Variants in DCAF6 observed in about 807,000 individuals in gnomAD.
DCAF6 encodes DDB1- and CUL4-associated factor 6.
In DCAF6, 54 loss-of-function variants were observed where a neutral mutation model predicts 125.1. The ratio of observed to expected loss-of-function variants is 0.43; its 90% CI spans 0.35 to 0.54. DCAF6 has a LOEUF of 0.54. DCAF6 is among the 20% of genes least tolerant of loss of function. The pLI is 0.01. For synonymous variants in DCAF6, 371 were observed against 390.4 expected, an observed-to-expected ratio of 0.95 and a Z score of 0.58; for missense variants, 934 against 1,161.7, an observed-to-expected ratio of 0.80 and a Z score of 2.85.
chr1:168,003,067 T>C (rs1418320773), intron 8 of DCAF6, among the ~76,000 whole-genome samples: 3 of 152,158 alleles, frequency 2.0e-5, no homozygotes, highest in Non-Finnish European at 4.4e-5. Flanking sequence ...TTATGTTTTA[T>C]TAAATTGGTC....
At chr1:168,073,957 A>AATATGTATTGAATAC (rs1693459189) in intron 21 of DCAF6, among the ~76,000 whole-genome samples, 1 of 146,898 alleles carries the variant, frequency 6.8e-6, no homozygotes, top group Non-Finnish European at 1.5e-5. Flanking sequence ...TTATTTTATA[A>AATATGTATTGAATAC]ATATGTATTG....
At chr1:168,075,265 G>T (rs1052739636) in intron 21 of DCAF6, 106 bp from the exon 22 acceptor site, 3 of 1,010,704 alleles carry the variant, frequency 3.0e-6, no homozygotes, top group South Asian at 3.2e-5. Context: ...CACACATAGT[G>T]GTGAACTGAT....
At chr1:167,950,062 G>A (rs1024198209) in intron 1 of DCAF6, among the ~76,000 whole-genome samples, 1 of 152,176 alleles carries the variant, frequency 6.6e-6, no homozygotes, top group African/African-American at 2.4e-5. Flanking sequence ...TCATATAGAA[G>A]AGTTCTTGCT....
the DCAF6 span, among the ~76,000 whole-genome samples, chr1:167,921,167 T>C: frequency 6.6e-6 from 1 of 152,144 alleles, no homozygotes. Flanking sequence ...GGGCTTCTAA[T>C]GAATTATTTT....
intron 10 of DCAF6, among the ~76,000 whole-genome samples, chr1:168,013,236 T>G (rs1684540009): frequency 6.6e-6 from 1 of 152,218 alleles, no homozygotes; most frequent in South Asian, 2.1e-4. Flanking sequence ...TACTGGATCA[T>G]TTTCTAGGAA....
the DCAF6 span, among the ~76,000 whole-genome samples, chr1:167,891,356 A>G: frequency 6.6e-6 from 1 of 151,842 alleles, no homozygotes; most frequent in Non-Finnish European, 1.5e-5. Context: ...AGGCACAGGG[A>G]AAATAAAGGA....
rs117475307 is a variant in DCAF6 at position 168,038,781 on chromosome 1, A to G, written c.1727+293A>G. ...TCTTCTGATAGAAAATGCAAAAGAT[A>G]ATACTAATAATAATAATTAAAATTA... On this transcript the variant is annotated intron_variant, in intron 13 of 21. Transcript: ENST00000367840. 4.6e-3 allele frequency among the ~76,000 whole-genome samples: 702 copies of G among 152,128 alleles called. 8 individuals carry two copies. In the East Asian group the frequency reaches 0.058, roughly 13 times the overall value.
chr1:168,067,851 A>G (rs749162405), intron 20 of DCAF6, among the ~76,000 whole-genome samples: 6 of 152,094 alleles, frequency 3.9e-5, no homozygotes, highest in Non-Finnish European at 5.9e-5. Flanking sequence ...CGAGTATTCA[A>G]GTAATCCTAT....
chr1:168,009,551 C>T (rs989265217), intron 10 of DCAF6, among the ~76,000 whole-genome samples: 1 of 148,394 alleles, frequency 6.7e-6, no homozygotes, highest in Non-Finnish European at 1.5e-5. Flanking sequence ...TCTCCTCTTT[C>T]TCCTTTTTCT....
intron 10 of DCAF6, among the ~76,000 whole-genome samples, chr1:168,009,350 CCTT>C (rs1387731328): frequency 1.5e-3 from 41 of 26,490 alleles, no homozygotes; most frequent in East Asian, 5.4e-3. Context: ...TTCCTCCCTT[CCTT>C]CCTTCCTTCC....
chr1:168,054,904 C>T (rs1043182423), intron 17 of DCAF6, among the ~76,000 whole-genome samples: 2 of 151,082 alleles, frequency 1.3e-5, no homozygotes, highest in Admixed American at 6.6e-5. Context: ...GCAACCTCTG[C>T]CTGCTGGGTT....
At chr1:167,868,552 C>T in the DCAF6 span, among the ~76,000 whole-genome samples, 6 of 152,048 alleles carry the variant, frequency 3.9e-5, no homozygotes, top group Admixed American at 3.3e-4. Context: ...AGAATTCCAC[C>T]GGGACTAGAC....
rs559364529 is a variant in DCAF6 at position 168,050,935 on chromosome 1, T to TAA, written c.2300+3_2300+4dup. On this transcript the variant is annotated splice_region_variant and intron_variant, in intron 17 of 21. Coordinates refer to ENST00000367840, the MANE Select transcript of DCAF6 (RefSeq NM_001198956.2). ...AACAATAGGTGATAGAATAATGAGGTAATTCAGTATGTTCCTTCATAATTT... is the reference window on the plus strand; with the variant it reads ...AACAATAGGTGATAGAATAATGAGGTAAAATTCAGTATGTTCCTTCATAATTT... The TAA allele has an allele frequency of 2.6e-5, 36 of 1,375,982 alleles. No individual in the cohort carries two copies. In the African/African-American group the frequency reaches 3.9e-4, roughly 15 times the overall value. 85.2% of individuals were successfully genotyped at this position (1,375,982 alleles called of 1,614,324 possible).
chr1:168,069,224 T>C (rs1397995466), intron 21 of DCAF6, among the ~76,000 whole-genome samples: 1 of 152,202 alleles, frequency 6.6e-6, no homozygotes, highest in African/African-American at 2.4e-5. Context: ...AAAGCCAGAA[T>C]TTGAAATTAG....
chr1:167,864,289 T>C, the DCAF6 span, among the ~76,000 whole-genome samples: 1 of 152,148 alleles, frequency 6.6e-6, no homozygotes, highest in Non-Finnish European at 1.5e-5. Context: ...TACTAGAAAC[T>C]ATGTTGAAAA....
chr1:167,904,082 CTT>C, the DCAF6 span: 26,801 of 340,308 alleles, frequency 0.079, 3 homozygotes, highest in South Asian at 0.094. Context: ...CGGGCCTCAG[CTT>C]TTTTTTTTTT....
rs999283964 is a variant in DCAF6 at position 167,995,660 on chromosome 1, CAA to C, written c.903+2221_903+2222del. Among the ~76,000 whole-genome samples, 7 of 136,372 alleles carry C rather than the reference CAA, an allele frequency of 5.1e-5. No individual in the cohort carries two copies. In the South Asian group the frequency reaches 7.0e-4, roughly 14 times the overall value. 89.5% of individuals were successfully genotyped at this position (136,372 alleles called of 152,430 possible). A position where few individuals can be genotyped will look rare whatever the true frequency, so the allele number is the denominator to read the frequency against. On this transcript the variant is annotated intron_variant, in intron 7 of 21. Coordinates refer to ENST00000367840, the MANE Select transcript of DCAF6 (RefSeq NM_001198956.2). ...CGCCATTGCACTCCAGCCTGGGTGACAAGAGCAAAACTCAGTCTCAGAAAAAA... is the reference window on the plus strand; with the variant it reads ...CGCCATTGCACTCCAGCCTGGGTGACGAGCAAAACTCAGTCTCAGAAAAAA...
chr1:167,883,178 C>G, the DCAF6 span, among the ~76,000 whole-genome samples: 1 of 152,376 alleles, frequency 6.6e-6, no homozygotes, highest in South Asian at 2.1e-4. Flanking sequence ...GCTGAGATTA[C>G]AGGCACGTGC....
At chr1:167,892,945 C>G in the DCAF6 span, among the ~76,000 whole-genome samples, 1 of 152,198 alleles carries the variant, frequency 6.6e-6, no homozygotes, top group East Asian at 1.9e-4. Context: ...TCTCAGTTTT[C>G]TCATGCATAT....
Sources: gnomAD v4.1 joint callset for allele counts (sites outside exome capture counted in the v4.1 genomes callset) on GRCh38, gnomAD v4.1.1 for gene constraint, MANE v1.5 for transcripts, NCBI Gene and HGNC (gene_info 2026-07-23, HGNC 2026-07-21) for gene names.